UCHL3: variants seen among roughly 807,000 people sequenced by gnomAD.
UCHL3 encodes ubiquitin carboxyl-terminal hydrolase isozyme L3.
In UCHL3, 22 loss-of-function variants were observed where a neutral mutation model predicts 35.8. That is an observed-to-expected ratio of 0.61 (90% CI 0.44 to 0.88). The LOEUF is 0.88. Among genes scored for constraint, UCHL3 ranks in the 40% least tolerant of loss-of-function variants. UCHL3 has a pLI of 0.00. For synonymous variants in UCHL3, 90 were observed against 92.8 expected (o/e 0.97, Z 0.17); for missense variants, 229 against 276.9 (o/e 0.83, Z 1.23).
At position 75,604,754 on chromosome 13, in the gene UCHL3, G is replaced by T; in HGVS notation, c.551-15G>T. The T allele has an allele frequency of 6.3e-7, 1 of 1,588,790 alleles. No individual in the cohort carries two copies. Among genetic ancestry groups the T allele is most frequent in the South Asian group, 1.2e-5 (1 of 86,634 alleles). ...AAAACAGCTAAGCATTCAATTGTTTGTCTGTTTTCCACAGATGGGCGGAAG... is the reference window on the plus strand; with the variant it reads ...AAAACAGCTAAGCATTCAATTGTTTTTCTGTTTTCCACAGATGGGCGGAAG... On this transcript the variant is annotated splice_polypyrimidine_tract_variant and intron_variant, in intron 7 of 8. Coordinates refer to ENST00000377595, the MANE Select transcript of UCHL3 (RefSeq NM_006002.5).
intron 6 of UCHL3, among the ~76,000 whole-genome samples, chr13:75,575,867 TCA>T (rs749563345): frequency 6.6e-5 from 10 of 152,176 alleles, no homozygotes; most frequent in Non-Finnish European, 1.2e-4. Flanking sequence ...TTCCCCTGCC[TCA>T]GCCTCCCAAG....
intron 2 of UCHL3, among the ~76,000 whole-genome samples, chr13:75,556,048 T>C (rs894651304): frequency 2.0e-5 from 3 of 152,246 alleles, no homozygotes; most frequent in African/African-American, 4.8e-5. Context: ...TTCTTGGTCA[T>C]TGACTTTCAT....
At chr13:75,580,178 T>C (rs1048759003) in intron 6 of UCHL3, among the ~76,000 whole-genome samples, 1 of 152,210 alleles carries the variant, frequency 6.6e-6, no homozygotes, top group Non-Finnish European at 1.5e-5. Context: ...TATTTTGATA[T>C]CTATCCCATA....
Position 75,583,945 on chromosome 13 carries a change from C to T in UCHL3, c.475-10970C>T, listed in dbSNP as rs191527354. ...CTCTCTGCAGACCTCAATGGGTGCT[C>T]ATGAGATTAAGTGGGGACAAGATGG... On this transcript the variant is annotated intron_variant, in intron 6 of 8. Coordinates refer to ENST00000377595, the MANE Select transcript of UCHL3 (RefSeq NM_006002.5). Among the ~76,000 whole-genome samples, 20 of 152,246 alleles carry T rather than the reference C, an allele frequency of 1.3e-4. No homozygotes were observed. The East Asian group carries it at 3.1e-3, about 23-fold the overall frequency.
intron 3 of UCHL3, among the ~76,000 whole-genome samples, chr13:75,563,404 T>A (rs2138480289): frequency 6.6e-6 from 1 of 152,314 alleles, no homozygotes. Flanking sequence ...CTTGAACTCC[T>A]GATTTTGAAT....
At chr13:75,602,819 T>G (rs1390699103) in intron 7 of UCHL3, among the ~76,000 whole-genome samples, 1 of 152,130 alleles carries the variant, frequency 6.6e-6, no homozygotes, top group Non-Finnish European at 1.5e-5. Context: ...TCATAATTAA[T>G]CTTTGTTCTA....
rs1453444125 is a variant in UCHL3, at chr13:75,604,820, T to A, written c.602T>A (p.Leu201Ter). ...INHGETSDET[L>*]LEDAIEVCKK... is the part of the protein sequence containing the mutation. ...CATGGTGAAACTAGTGATGAAACTT[T>A]ATTAGAGGTAACAGTAACACTTGTT... The change falls in exon 8 of 9, where the codon TTA (leucine) becomes TAA (stop). Residue 201 changes from leucine to a stop codon, truncating the protein, a stop_gained. Coordinates refer to ENST00000377595, the MANE Select transcript of UCHL3 (RefSeq NM_006002.5). LOFTEE classifies it high-confidence loss of function. The A allele has an allele frequency of 6.3e-7, 1 of 1,598,226 alleles. No homozygotes were observed. The highest frequency in any genetic ancestry group is 8.5e-7 in the Non-Finnish European group (1 of 1,172,586).
At chr13:75,577,231 CAG>C (rs1209208391) in intron 6 of UCHL3, among the ~76,000 whole-genome samples, 3 of 151,958 alleles carry the variant, frequency 2.0e-5, no homozygotes, top group Non-Finnish European at 2.9e-5. Flanking sequence ...GCCTGGGTGA[CAG>C]AGACCTTGTC....
intron 3 of UCHL3, among the ~76,000 whole-genome samples, chr13:75,565,114 T>A (rs947848226): frequency 2.6e-5 from 4 of 152,210 alleles, no homozygotes; most frequent in Admixed American, 6.5e-5. Context: ...TTATTTTTTT[T>A]AATTTTTTGA....
At chr13:75,561,813 G>A (rs1412152828) in intron 3 of UCHL3, among the ~76,000 whole-genome samples, 1 of 32,044 alleles carries the variant, frequency 3.1e-5, no homozygotes, top group African/African-American at 5.8e-5. Flanking sequence ...GTATACATAC[G>A]TATACGTATA....
At chr13:75,575,729 C>T (rs971123037) in intron 6 of UCHL3, among the ~76,000 whole-genome samples, 1 of 152,032 alleles carries the variant, frequency 6.6e-6, no homozygotes, top group Admixed American at 6.6e-5. Context: ...CTCCTGTCAC[C>T]CCCACCTTCA....
chr13:75,568,156 T>C (rs2031743328), intron 5 of UCHL3, among the ~76,000 whole-genome samples: 1 of 152,158 alleles, frequency 6.6e-6, no homozygotes, highest in African/African-American at 2.4e-5. Flanking sequence ...TTTATTGCTT[T>C]TGGAATCAAT....
intron 6 of UCHL3, among the ~76,000 whole-genome samples, chr13:75,584,028 C>T (rs890941395): frequency 6.6e-6 from 1 of 152,120 alleles, no homozygotes; most frequent in Non-Finnish European, 1.5e-5. Context: ...GTGGGAAAGG[C>T]GTGAAGCCTG....
intron 6 of UCHL3, among the ~76,000 whole-genome samples, chr13:75,574,408 T>C (rs2031959879): frequency 6.6e-6 from 1 of 152,134 alleles, no homozygotes; most frequent in Admixed American, 6.5e-5. Context: ...CATGAGGAAA[T>C]AGGCCTTGTT....
At chr13:75,554,098 C>T (rs938187527) in intron 2 of UCHL3, among the ~76,000 whole-genome samples, 9 of 152,136 alleles carry the variant, frequency 5.9e-5, no homozygotes, top group African/African-American at 2.2e-4. Flanking sequence ...TGTTCTATCT[C>T]CCAGGCAGGC....
chr13:75,567,458 G>C (rs1007664808), intron 5 of UCHL3, 146 bp downstream of exon 5: 1 of 665,690 alleles, frequency 1.5e-6, no homozygotes. Context: ...GTACTTTTCA[G>C]ATAACTTTGA....
chr13:75,589,627 A>G (rs908037404), intron 6 of UCHL3, among the ~76,000 whole-genome samples: 1 of 152,154 alleles, frequency 6.6e-6, no homozygotes, highest in African/African-American at 2.4e-5. Context: ...CTTTTTAAAA[A>G]CATTTTGATG....
rs73541490 is a variant in UCHL3 at position 75,575,220 on chromosome 13, G to A, written c.474+5713G>A. Among the ~76,000 whole-genome samples, 197 of 152,192 alleles carry A rather than the reference G, an allele frequency of 1.3e-3. 1 individual carries two copies. Among genetic ancestry groups the A allele is most frequent in the African/African-American group, 4.7e-3 (194 of 41,526 alleles). ...CATAGCATACTGCTCTAGAGTAATT[G>A]TTTACCTACTTTTCTCCATCCCACC... is the stretch of plus-strand genomic sequence containing the variant. On this transcript the variant is annotated intron_variant, in intron 6 of 8. Transcript: ENST00000377595.
intron 7 of UCHL3, among the ~76,000 whole-genome samples, chr13:75,599,724 C>G (rs913471984): frequency 6.6e-6 from 1 of 152,190 alleles, no homozygotes; most frequent in Non-Finnish European, 1.5e-5. Context: ...CTCTTTTCCT[C>G]TCTTTGAACT....
Sources: gnomAD v4.1 joint callset for allele counts (sites outside exome capture counted in the v4.1 genomes callset) on GRCh38, gnomAD v4.1.1 for gene constraint, MANE v1.5 for transcripts, NCBI Gene and HGNC (gene_info 2026-07-23, HGNC 2026-07-21) for gene names.